Variants in GPATCH2 observed in about 807,000 individuals in gnomAD.
GPATCH2 encodes G patch domain-containing protein 2.
GPATCH2 carries 51 observed loss-of-function variants against 58.0 expected under a neutral mutation model. The ratio of observed to expected loss-of-function variants is 0.88; its 90% CI spans 0.70 to 1.11. GPATCH2 has a LOEUF of 1.11. GPATCH2 is among the 50% of genes most tolerant of loss of function. GPATCH2 has a pLI of 0.00. For missense variants in GPATCH2, 625 were observed against 652.2 expected (o/e 0.96, Z 0.45); for synonymous variants, 222 against 218.5 (o/e 1.02, Z -0.14).
In GPATCH2 at chr1:217,596,613, ATTAGT is replaced by A. The variant is rs200934914; in HGVS notation, c.1098+13703_1098+13707del. On this transcript the variant is annotated intron_variant, in intron 5 of 9. Coordinates refer to ENST00000366935, the MANE Select transcript of GPATCH2 (RefSeq NM_018040.5). Reference sequence around the variant, plus strand: ...TAATCAAATATTTCTGCCCTTTTATATTAGTTTAACACAAAAGCTGATATGAAAAA... The same window carrying A: ...TAATCAAATATTTCTGCCCTTTTATATTAACACAAAAGCTGATATGAAAAA... Among the ~76,000 whole-genome samples the A allele has an allele frequency of 7.2e-3, 1,092 of 152,324 alleles. 7 individuals carry two copies. Among genetic ancestry groups the A allele is most frequent in the Admixed American group, 0.013 (202 of 15,290 alleles).
At chr1:217,458,237 A>G (rs1660046074) in intron 8 of GPATCH2, among the ~76,000 whole-genome samples, 1 of 152,192 alleles carries the variant, frequency 6.6e-6, no homozygotes, top group African/African-American at 2.4e-5. Flanking sequence ...CTCAAAAAAA[A>G]GATGTCTTGC....
chr1:217,459,622 A>T (rs1248919612), intron 8 of GPATCH2, among the ~76,000 whole-genome samples: 1 of 152,216 alleles, frequency 6.6e-6, no homozygotes, highest in African/African-American at 2.4e-5. Flanking sequence ...TAAAAAACCT[A>T]TCAAAATAGA....
intron 5 of GPATCH2, among the ~76,000 whole-genome samples, chr1:217,582,611 A>C (rs773415058): frequency 4.6e-5 from 7 of 152,196 alleles, no homozygotes; most frequent in Non-Finnish European, 7.4e-5. Context: ...AGTTGGTATA[A>C]AACATTGCAG....
intron 5 of GPATCH2, among the ~76,000 whole-genome samples, chr1:217,593,893 C>T (rs1057483201): frequency 1.3e-5 from 2 of 151,826 alleles, no homozygotes; most frequent in African/African-American, 4.8e-5. Context: ...ATCCTTATTG[C>T]AAAACAAAAC....
intron 5 of GPATCH2, among the ~76,000 whole-genome samples, chr1:217,524,899 G>GAGA (rs1558458164): frequency 3.3e-4 from 1 of 3,042 alleles, no homozygotes; most frequent in African/African-American, 9.2e-4. Flanking sequence ...AGGGGGGAGG[G>GAGA]GGGAGGGGGG....
intron 1 of GPATCH2, among the ~76,000 whole-genome samples, chr1:217,630,672 G>C (rs1669709482): frequency 6.6e-6 from 1 of 152,192 alleles, no homozygotes. Context: ...CAGGAAGCTT[G>C]ACTTCTAAAA....
At chr1:217,603,254 C>T (rs1668192276) in intron 5 of GPATCH2, among the ~76,000 whole-genome samples, 1 of 151,806 alleles carries the variant, frequency 6.6e-6, no homozygotes, top group Non-Finnish European at 1.5e-5. Flanking sequence ...AAGCAAGAAC[C>T]AATATTTTAA....
At chr1:217,580,886 T>TA (rs200196822) in intron 5 of GPATCH2, among the ~76,000 whole-genome samples, 7,509 of 99,556 alleles carry the variant, frequency 0.075, 2,350 homozygotes, top group Middle Eastern at 0.12. Context: ...CGGGCGCCTG[T>TA]AGTCCCAGCT....
intron 1 of GPATCH2, among the ~76,000 whole-genome samples, chr1:217,624,607 G>T (rs1669358756): frequency 1.3e-5 from 2 of 152,318 alleles, no homozygotes; most frequent in South Asian, 4.1e-4. Context: ...TTACACTGAT[G>T]CATCAGAAGA....
chr1:217,531,824 C>T (rs1304092882), intron 5 of GPATCH2, among the ~76,000 whole-genome samples: 3 of 152,170 alleles, frequency 2.0e-5, no homozygotes, highest in Non-Finnish European at 1.5e-5. Context: ...CTAGCATATA[C>T]TCTGAGAACA....
At chr1:217,523,477 C>T (rs1237253104) in intron 5 of GPATCH2, among the ~76,000 whole-genome samples, 1 of 151,596 alleles carries the variant, frequency 6.6e-6, no homozygotes, top group Non-Finnish European at 1.5e-5. Context: ...TTTCAGAGAG[C>T]ACAGGGTTGG....
In GPATCH2 at chr1:217,477,830, T is replaced by A. The variant is rs995119288; in HGVS notation, c.1277+13850A>T. 3.9e-5 allele frequency among the ~76,000 whole-genome samples: 6 copies of A among 152,130 alleles called. No homozygotes were observed. The South Asian group carries it at 1.2e-3, about 31-fold the overall frequency. ...ACCTACCTGGGGTCAGGGAGTGTGG[T>A]TACAACAGGCCTTGGTTGAGACCTA... On this transcript the variant is annotated intron_variant, in intron 8 of 9. Transcript: ENST00000366935.
chr1:217,477,921 A>G (rs1355963103), intron 8 of GPATCH2, among the ~76,000 whole-genome samples: 1 of 151,962 alleles, frequency 6.6e-6, no homozygotes, highest in Non-Finnish European at 1.5e-5. Context: ...TGCTTGTGTC[A>G]CTCTATTGCT....
intron 8 of GPATCH2, among the ~76,000 whole-genome samples, chr1:217,449,674 T>C (rs1444421941): frequency 6.6e-6 from 1 of 152,198 alleles, no homozygotes; most frequent in East Asian, 1.9e-4. Flanking sequence ...GATCACAATA[T>C]TGTTGCTAGG....
At chr1:217,557,409 CAAAAA>C (rs772777496) in intron 5 of GPATCH2, among the ~76,000 whole-genome samples, 1 of 62,194 alleles carries the variant, frequency 1.6e-5, no homozygotes, top group Non-Finnish European at 3.5e-5. Context: ...AACCCCATCT[CAAAAA>C]AAAAAAAAAA....
At chr1:217,491,411 T>G (rs762932256) in intron 8 of GPATCH2, 2 of 167,788 alleles carry the variant, frequency 1.2e-5, no homozygotes, top group African/African-American at 4.8e-5. Flanking sequence ...AATGAATTAT[T>G]AGTGTAAATG....
At chr1:217,431,495 A>G in intron 9 of GPATCH2, 130 bp from the exon 10 acceptor site, 1 of 634,138 alleles carries the variant, frequency 1.6e-6, no homozygotes, top group Non-Finnish European at 2.8e-6. Flanking sequence ...GGGGTTGCGT[A>G]TTCATCTTTG....
chr1:217,498,363 T>A lies in GPATCH2; in HGVS notation c.1199A>T (p.His400Leu). ...HWFSPGARTEHDQHQLLRDNR... is the reference protein window; with the variant it reads ...HWFSPGARTELDQHQLLRDNR... ...GATTACAATGGTCCTTACCTGGTCATGCTCTGTCCTAGCCCCAGGGCTAAA... is the reference window on the plus strand; with the variant it reads ...GATTACAATGGTCCTTACCTGGTCAAGCTCTGTCCTAGCCCCAGGGCTAAA... Residue 400 changes from histidine (H) to leucine (L), a missense_variant, in exon 7 of 10, where the codon CAT becomes CTT. By Grantham distance (99) the His-to-Leu change is moderately conservative. Coordinates refer to ENST00000366935, the MANE Select transcript of GPATCH2 (RefSeq NM_018040.5). 6.2e-7 allele frequency: 1 copy of A among 1,612,594 alleles called. No homozygotes were observed. The highest frequency in any genetic ancestry group is 1.1e-5 in the South Asian group (1 of 91,060).
chr1:217,479,234 A>G (rs1661105629), intron 8 of GPATCH2, among the ~76,000 whole-genome samples: 1 of 152,184 alleles, frequency 6.6e-6, no homozygotes, highest in Non-Finnish European at 1.5e-5. Context: ...AAAACACAGA[A>G]TATTGTAACA....
Sources: allele counts gnomAD v4.1 joint callset (sites outside exome capture counted in the v4.1 genomes callset), GRCh38; gene constraint gnomAD v4.1.1; transcripts MANE v1.5; gene names NCBI Gene and HGNC (gene_info 2026-07-23, HGNC 2026-07-21).